Variants in CACNA1C observed in about 807,000 individuals in gnomAD.
CACNA1C encodes the protein voltage-dependent L-type calcium channel subunit alpha-1C.
In CACNA1C, 30 loss-of-function variants were observed where a neutral mutation model predicts 229.0. The observed-to-expected ratio is 0.13, with a 90% CI of 0.10 to 0.18. The LOEUF (loss-of-function observed/expected upper bound fraction) is 0.18. Among genes scored for constraint, CACNA1C ranks in the 10% least tolerant of loss-of-function variants. CACNA1C has a pLI of 1.00. For missense variants in CACNA1C, 1,658 were observed against 2,845.0 expected, an observed-to-expected ratio of 0.58 and a Z score of 9.49; for synonymous variants, 1,114 against 1,132.5, an observed-to-expected ratio of 0.98 and a Z score of 0.33.
At chr12:2,134,717 T>C in intron 3 of CACNA1C, among the ~76,000 whole-genome samples, 1 of 59,988 alleles carries the variant, frequency 1.7e-5, no homozygotes, top group Admixed American at 2.1e-4. Flanking sequence ...TAACCCGACC[T>C]TTCTCTCTGG....
intron 3 of CACNA1C, among the ~76,000 whole-genome samples, chr12:2,438,901 G>C (rs2099186319): frequency 6.6e-6 from 1 of 152,114 alleles, no homozygotes; most frequent in Admixed American, 6.5e-5. Context: ...GCAGTTAGTA[G>C]AGAGTTTTAA....
intron 5 of CACNA1C, among the ~76,000 whole-genome samples, chr12:2,463,549 G>A (rs2099530019): frequency 6.6e-6 from 1 of 152,178 alleles, no homozygotes; most frequent in Non-Finnish European, 1.5e-5. Context: ...GCCATGCATT[G>A]GGGACACCAT....
rs114207949 is a variant in CACNA1C, at chr12:2,079,421, G to A, written c.49+25810G>A. Among the ~76,000 whole-genome samples the A allele has an allele frequency of 8.1e-3, 1,231 of 152,298 alleles. 14 individuals carry two copies. Among genetic ancestry groups the A allele is most frequent in the African/African-American group, 0.028 (1,163 of 41,550 alleles). ...TGGGAAGTCCAAGATCATGGTGCTAGCAGATTTGATATCTGGTGAGGACCT... is the reference window on the plus strand; with the variant it reads ...TGGGAAGTCCAAGATCATGGTGCTAACAGATTTGATATCTGGTGAGGACCT... On this transcript the variant is annotated intron_variant, in intron 1 of 46. Coordinates refer to ENST00000399655, the MANE Select transcript of CACNA1C (RefSeq NM_000719.7).
intron 15 of CACNA1C, 64 bp from the exon 16 acceptor site, chr12:2,584,439 G>T (rs1229355220): frequency 8.8e-7 from 1 of 1,135,872 alleles, no homozygotes. Context: ...CACATCCCCC[G>T]TGCCCCTGTG....
At chr12:2,454,900 G>A (rs146015302) in intron 4 of CACNA1C, among the ~76,000 whole-genome samples, 4 of 152,152 alleles carry the variant, frequency 2.6e-5, no homozygotes, top group Non-Finnish European at 4.4e-5. Context: ...ACAACCACGC[G>A]TCTATGCTGA....
In CACNA1C at chr12:2,410,807, GTGTGCGTGTGCA is replaced by G. The variant is rs1489256196; in HGVS notation, c.478-38158_478-38147del. 1.3e-5 allele frequency among the ~76,000 whole-genome samples: 2 copies of G among 150,540 alleles called. No homozygotes were observed. The highest frequency in any genetic ancestry group is 2.1e-4 in the South Asian group (1 of 4,716). The stretch of plus-strand genomic sequence containing the variant: ...CTCCCCTGTGTGTGTATATGTGTGT[GTGTGCGTGTGCA>G]TGTGCGTGTGTGTGTTTCAGGAGCT... On this transcript the variant is annotated intron_variant, in intron 3 of 46. Transcript: ENST00000399655. The surrounding 1 kb of genome is among the most constrained non-coding windows in gnomAD (Gnocchi z 5.3).
At chr12:2,146,187 C>A (rs369050469) in intron 3 of CACNA1C, among the ~76,000 whole-genome samples, 1 of 150,894 alleles carries the variant, frequency 6.6e-6, no homozygotes, top group African/African-American at 2.4e-5. Context: ...TTCTCACCCT[C>A]GAGGAATTTA....
chr12:2,679,937 G>A lies in CACNA1C; in HGVS notation c.5444+141G>A, dbSNP rs1218636872. 1 of 656,378 alleles carries A rather than the reference G, an allele frequency of 1.5e-6. No homozygotes were observed. Among genetic ancestry groups the A allele is most frequent in the East Asian group, 2.7e-5 (1 of 36,538 alleles). The allele number at this position is 656,378 out of a possible 1,614,324, so 40.7% of individuals were successfully genotyped here. On this transcript the variant is annotated intron_variant, in intron 42 of 46. Coordinates refer to ENST00000399655, the MANE Select transcript of CACNA1C (RefSeq NM_000719.7). This position sits in a 1 kb window ranked among gnomAD's most constrained non-coding sequence, Gnocchi z 5.5. ...AGGTTGCTGCCCCAGACTCCAGCAAGAGCAGGAGGCACTATGCTGTCTCCC... is the reference window on the plus strand; with the variant it reads ...AGGTTGCTGCCCCAGACTCCAGCAAAAGCAGGAGGCACTATGCTGTCTCCC...
At chr12:2,481,024 T>C (rs4765941) in intron 5 of CACNA1C, among the ~76,000 whole-genome samples, 98,489 of 151,516 alleles carry the variant, frequency 0.65, 32,952 homozygotes, top group East Asian at 0.88. Flanking sequence ...ATGAAAAGAA[T>C]AGAGTCCTTA....
At chr12:2,051,253 G>C (rs1163033610), upstream of CACNA1C, among the ~76,000 whole-genome samples, 3 of 152,188 alleles carry the variant, frequency 2.0e-5, no homozygotes, top group Non-Finnish European at 2.9e-5. Context: ...TACAATGTGC[G>C]TGTGTGTTGA....
chr12:2,609,707 G>T (rs1171077963), intron 27 of CACNA1C, among the ~76,000 whole-genome samples: 1 of 151,784 alleles, frequency 6.6e-6, no homozygotes, highest in Non-Finnish European at 1.5e-5. Context: ...TGGAAGCCTG[G>T]GCAAAGTACA....
intron 9 of CACNA1C, 81 bp downstream of exon 9, chr12:2,513,065 C>T (rs897022570): frequency 1.4e-5 from 17 of 1,198,302 alleles, no homozygotes; most frequent in African/African-American, 4.6e-5. Context: ...GAACTTTGAC[C>T]GCCACCCTTT....
At chr12:2,306,406 A>AT (rs965547049) in intron 3 of CACNA1C, among the ~76,000 whole-genome samples, 1 of 152,216 alleles carries the variant, frequency 6.6e-6, no homozygotes, top group Non-Finnish European at 1.5e-5. Context: ...TCTCTCAGAG[A>AT]CAGCAGAGAA....
At position 2,602,615 on chromosome 12, in the gene CACNA1C, G is replaced by A. The variant is rs1161229937; in HGVS notation, c.2960+655G>A. Among the ~76,000 whole-genome samples, 1 of 137,698 alleles carries A rather than the reference G, an allele frequency of 7.3e-6. No individual in the cohort carries two copies. The highest frequency in any genetic ancestry group is 2.7e-5 in the African/African-American group (1 of 36,716). The allele number at this position is 137,698 out of a possible 152,430, so 90.3% of individuals were successfully genotyped here. On this transcript the variant is annotated intron_variant, in intron 22 of 46. Coordinates refer to ENST00000399655, the MANE Select transcript of CACNA1C (RefSeq NM_000719.7). This position sits in a 1 kb window ranked among gnomAD's most constrained non-coding sequence, Gnocchi z 4.4. ...TGTGAGTGCATGTATGTGTGTGACT[G>A]TGTATATTTGTGTCTTGTGTGTGTG...
At chr12:2,272,100 A>G (rs116626506) in intron 3 of CACNA1C, among the ~76,000 whole-genome samples, 1,616 of 152,244 alleles carry the variant, frequency 0.011, 29 homozygotes, top group African/African-American at 0.037. Context: ...CCATCGAGCT[A>G]TTGCCTTGCT....
At chr12:2,502,417 T>C (rs982274786) in intron 7 of CACNA1C, among the ~76,000 whole-genome samples, 2 of 152,104 alleles carry the variant, frequency 1.3e-5, no homozygotes, top group African/African-American at 4.8e-5. Context: ...ACGTAATAAA[T>C]AGGTAATGAT....
At chr12:1,989,836 A>G (rs907049790) in intron 1 of CACNA1C, among the ~76,000 whole-genome samples, 4 of 152,260 alleles carry the variant, frequency 2.6e-5, no homozygotes, top group Non-Finnish European at 5.9e-5. Flanking sequence ...TGAAAAACAC[A>G]GTAAGTGATT....
At position 2,605,268 on chromosome 12, in the gene CACNA1C, C is replaced by A; in HGVS notation, c.3048+100C>A. 2 of 787,760 alleles carry A rather than the reference C, an allele frequency of 2.5e-6. No individual in the cohort carries two copies. Among genetic ancestry groups the A allele is most frequent in the Non-Finnish European group, 4.3e-6 (2 of 460,170 alleles). 48.8% of individuals were successfully genotyped at this position (787,760 alleles called of 1,614,324 possible). On this transcript the variant is annotated intron_variant, in intron 23 of 46. Coordinates refer to ENST00000399655, the MANE Select transcript of CACNA1C (RefSeq NM_000719.7). The surrounding 1 kb of genome is among the most constrained non-coding windows in gnomAD (Gnocchi z 6.2). ...GGTTGGAAGGAGATGATGGTCAGACCAAGTGGCTGCCATGTGGGGTCCCGG... is the reference window on the plus strand; with the variant it reads ...GGTTGGAAGGAGATGATGGTCAGACAAAGTGGCTGCCATGTGGGGTCCCGG...
At chr12:2,370,948 G>T (rs989957129) in intron 3 of CACNA1C, among the ~76,000 whole-genome samples, 2 of 152,156 alleles carry the variant, frequency 1.3e-5, no homozygotes, top group African/African-American at 4.8e-5. Flanking sequence ...GAGAAGCAAG[G>T]TGTGTCCTCC....
Sources: allele counts gnomAD v4.1 joint callset (sites outside exome capture counted in the v4.1 genomes callset), GRCh38; gene constraint gnomAD v4.1.1; non-coding constraint Gnocchi (gnomAD v3.1); transcripts MANE v1.5; gene names NCBI Gene and HGNC (gene_info 2026-07-23, HGNC 2026-07-21).